STRA6: variants seen among roughly 807,000 people sequenced by gnomAD.
STRA6 encodes the protein receptor for retinol uptake STRA6.
STRA6 carries 48 observed loss-of-function variants against 83.6 expected under a neutral mutation model. The ratio of observed to expected loss-of-function variants is 0.57; its 90% CI spans 0.46 to 0.73. The LOEUF (loss-of-function observed/expected upper bound fraction) is 0.73. STRA6 is among the 30% of genes least tolerant of loss of function. The probability of loss-of-function intolerance (pLI) is 0.00; values close to 1 mark genes in which losing one functional copy is unlikely to be tolerated. For missense variants in STRA6, 760 were observed against 838.8 expected, an observed-to-expected ratio of 0.91 and a Z score of 1.16; for synonymous variants, 353 against 362.3, an observed-to-expected ratio of 0.97 and a Z score of 0.29.
intron 4 of STRA6, 43 bp downstream of exon 4, chr15:74,197,295 A>G: frequency 7.0e-7 from 1 of 1,424,606 alleles, no homozygotes; most frequent in Non-Finnish European, 9.7e-7. Flanking sequence ...GGACCCTGTC[A>G]GCTGGGTCCC....
chr15:74,209,525 G>A, upstream of STRA6: 9 of 1,272,576 alleles, frequency 7.1e-6, no homozygotes, highest in Non-Finnish European at 9.8e-6. Flanking sequence ...CTTCAGGGCT[G>A]GAATTCCAGG....
At chr15:74,199,557 T>A (rs117335107) in intron 2 of STRA6, among the ~76,000 whole-genome samples, 9 of 152,276 alleles carry the variant, frequency 5.9e-5, no homozygotes, top group Non-Finnish European at 1.3e-4. Context: ...TGGAAAACTG[T>A]CCCTGGAGTA....
chr15:74,182,427 C>G lies in STRA6; in HGVS notation c.1334G>C (p.Gly445Ala). 1 of 1,611,600 alleles carries G rather than the reference C, an allele frequency of 6.2e-7. No individual in the cohort carries two copies. The highest frequency in any genetic ancestry group is 8.5e-7 in the Non-Finnish European group (1 of 1,178,898). ...LLVQQIIFFL[G>A]TTALAFLVLM... ...CACCAGGAAGGCCAGGGCCGTGGTT[C>G]CCAGGAAGAAGATGATCTGCTGCAC... Residue 445 changes from glycine (G) to alanine (A), a missense_variant, in exon 15 of 19, where the codon GGA (glycine) becomes GCA (alanine). Transcript: ENST00000395105.
At chr15:74,183,461 G>C in intron 14 of STRA6, 1 of 1,104,902 alleles carries the variant, frequency 9.1e-7, no homozygotes, top group Non-Finnish European at 1.1e-6. Context: ...GGCCAGGCTG[G>C]TCTTCATCTC....
At chr15:74,192,915 T>A (rs535876547) in intron 8 of STRA6, among the ~76,000 whole-genome samples, 8 of 152,180 alleles carry the variant, frequency 5.3e-5, no homozygotes, top group Non-Finnish European at 1.2e-4. Context: ...TTGTGCCGCA[T>A]CTGTCTCCCC....
intron 8 of STRA6, 24 bp from the exon 9 acceptor site, chr15:74,191,515 A>G: frequency 1.2e-6 from 2 of 1,608,654 alleles, no homozygotes; most frequent in Non-Finnish European, 1.7e-6. Flanking sequence ...CAATTGAACA[A>G]GCAGATGAGA....
At chr15:74,195,262 G>A (rs1295446634) in intron 7 of STRA6, 40 bp downstream of exon 7, 1 of 1,605,798 alleles carries the variant, frequency 6.2e-7, no homozygotes, top group Non-Finnish European at 8.5e-7. Context: ...AGGTTGCTCT[G>A]TGCGCCCCTC....
intron 13 of STRA6, among the ~76,000 whole-genome samples, chr15:74,184,679 C>T (rs1278347784): frequency 1.3e-5 from 2 of 152,224 alleles, no homozygotes; most frequent in Admixed American, 1.3e-4. Context: ...GCCACCTTCC[C>T]TCTCATCCAG....
At chr15:74,180,395 G>C (rs956824090) in intron 18 of STRA6, 152 bp from the exon 19 acceptor site, 1 of 988,868 alleles carries the variant, frequency 1.0e-6, no homozygotes, top group Non-Finnish European at 1.5e-6. Context: ...GAAGTGGGGG[G>C]TGAGGTCTGT....
intron 2 of STRA6, among the ~76,000 whole-genome samples, chr15:74,199,654 C>T (rs1366494838): frequency 6.6e-6 from 1 of 152,228 alleles, no homozygotes; most frequent in African/African-American, 2.4e-5. Context: ...GAGCCTCTGG[C>T]CCTTTCTGTA....
At chr15:74,195,257 G>A in intron 7 of STRA6, 45 bp downstream of exon 7, 2 of 1,603,368 alleles carry the variant, frequency 1.2e-6, no homozygotes, top group Non-Finnish European at 1.7e-6. Context: ...TGAGTAGGTT[G>A]CTCTGTGCGC....
chr15:74,208,132 GAGC>G, intron 1 of STRA6: 1 of 992,842 alleles, frequency 1.0e-6, no homozygotes, highest in Non-Finnish European at 1.3e-6. Flanking sequence ...TGTGCCAGGG[GAGC>G]AGCATGTTCT....
At chr15:74,186,640 A>G (rs1375092837) in intron 12 of STRA6, among the ~76,000 whole-genome samples, 1 of 150,958 alleles carries the variant, frequency 6.6e-6, no homozygotes, top group Non-Finnish European at 1.5e-5. Context: ...GCCTGGTGGT[A>G]TGTGCCTGTA....
chr15:74,191,841 G>T (rs147623066), intron 8 of STRA6: 60 of 409,454 alleles, frequency 1.5e-4, no homozygotes, highest in Admixed American at 3.6e-4. Flanking sequence ...TGAAACTGGG[G>T]CAAAGGGAAG....
At chr15:74,197,296 G>C in intron 4 of STRA6, 42 bp downstream of exon 4, 1 of 1,427,416 alleles carries the variant, frequency 7.0e-7, no homozygotes, top group Non-Finnish European at 9.7e-7. Context: ...GACCCTGTCA[G>C]CTGGGTCCCC....
chr15:74,183,843 AAGGGAGGCTCACCAAGGC>A lies in STRA6; in HGVS notation c.1295_1300+12del. The A allele has an allele frequency of 6.2e-7, 1 of 1,613,730 alleles. No individual in the cohort carries two copies. Among genetic ancestry groups the A allele is most frequent in the South Asian group, 1.1e-5 (1 of 91,068 alleles). ...CAGGCCAAGGCTGGGTGTGGCGGGC[AAGGGAGGCTCACCAAGGC>A]AGATAAAGGCTGTCTGGTAGGCACT... On this transcript the variant is annotated splice_donor_variant and splice_donor_5th_base_variant and coding_sequence_variant and intron_variant, in exon 14 of 19. Coordinates refer to ENST00000395105, the MANE Select transcript of STRA6 (RefSeq NM_022369.4). LOFTEE classifies it high-confidence loss of function.
chr15:74,196,330 T>G, intron 4 of STRA6, 183 bp from the exon 5 acceptor site: 1 of 986,590 alleles, frequency 1.0e-6, no homozygotes. Flanking sequence ...TACCAAGCTC[T>G]GGGCCCCGTG....
upstream of STRA6, among the ~76,000 whole-genome samples, chr15:74,203,450 C>T (rs982006090): frequency 6.6e-6 from 1 of 152,164 alleles, no homozygotes; most frequent in African/African-American, 2.4e-5. Context: ...GGGCGAGAGG[C>T]AGAAGAAGGT....
chr15:74,191,153 T>C lies in STRA6; in HGVS notation c.865+14A>G. 1 of 1,613,710 alleles carries C rather than the reference T, an allele frequency of 6.2e-7. No homozygotes were observed. The highest frequency in any genetic ancestry group is 8.5e-7 in the Non-Finnish European group (1 of 1,179,890). On this transcript the variant is annotated intron_variant, in intron 10 of 18. Transcript: ENST00000395105. Reference sequence around the variant, plus strand: ...GTCCCCTGTCACGCTCGGCCTCAGCTCCCAACCCCATACCTGGCTGTGGAG... The same window carrying C: ...GTCCCCTGTCACGCTCGGCCTCAGCCCCCAACCCCATACCTGGCTGTGGAG...
Sources: allele counts gnomAD v4.1 joint callset (sites outside exome capture counted in the v4.1 genomes callset), GRCh38; gene constraint gnomAD v4.1.1; transcripts MANE v1.5; gene names NCBI Gene and HGNC (gene_info 2026-07-23, HGNC 2026-07-21).